The following SLIT2 variants were observed in gnomAD, a reference collection of about 807,000 sequenced individuals.
SLIT2 encodes slit homolog 2 protein.
In SLIT2, 41 loss-of-function variants were observed where a neutral mutation model predicts 185.7. The observed-to-expected ratio is 0.22, with a 90% CI of 0.17 to 0.29. SLIT2 has a LOEUF of 0.29. SLIT2 is among the 10% of genes least tolerant of loss of function. The probability of loss-of-function intolerance (pLI) is 1.00; values close to 1 mark genes in which losing one functional copy is unlikely to be tolerated. For missense variants in SLIT2, 1,571 were observed against 1,909.0 expected (o/e 0.82, Z 3.30); for synonymous variants, 693 against 680.2 (o/e 1.02, Z -0.29).
chr4:20,535,999 C>T (rs1322129858), intron 18 of SLIT2, among the ~76,000 whole-genome samples: 1 of 152,200 alleles, frequency 6.6e-6, no homozygotes, highest in Non-Finnish European at 1.5e-5. Context: ...TCCTGGGCTA[C>T]AAACCTGTGC....
intron 34 of SLIT2, among the ~76,000 whole-genome samples, chr4:20,613,713 C>CA (rs1287832992): frequency 6.6e-5 from 10 of 151,896 alleles, no homozygotes; most frequent in Admixed American, 1.3e-4. Flanking sequence ...AAAAACAAAA[C>CA]AAAAAACAAA....
intron 4 of SLIT2, among the ~76,000 whole-genome samples, chr4:20,288,373 G>A (rs1193034719): frequency 6.6e-6 from 1 of 152,170 alleles, no homozygotes; most frequent in Non-Finnish European, 1.5e-5. Flanking sequence ...CTTACACTTA[G>A]TAAATTCTCA....
At chr4:20,280,944 T>C (rs1714706649) in intron 4 of SLIT2, among the ~76,000 whole-genome samples, 1 of 151,490 alleles carries the variant, frequency 6.6e-6, no homozygotes, top group Admixed American at 6.6e-5. Flanking sequence ...GCGATTCTCC[T>C]ACCTAAACTT....
At chr4:20,418,494 G>T (rs904081821) in intron 4 of SLIT2, among the ~76,000 whole-genome samples, 4 of 152,040 alleles carry the variant, frequency 2.6e-5, no homozygotes, top group African/African-American at 9.7e-5. Flanking sequence ...TACTGAGGGC[G>T]GCCAATAGAT....
intron 9 of SLIT2, 111 bp from the exon 10 acceptor site, chr4:20,510,384 A>G (rs940875871): frequency 1.9e-5 from 14 of 744,300 alleles, no homozygotes; most frequent in Non-Finnish European, 2.8e-5. Flanking sequence ...AAAAAAATAT[A>G]TCACTCATGA....
intron 7 of SLIT2, 123 bp from the exon 8 acceptor site, chr4:20,488,696 G>GA: frequency 1.5e-6 from 1 of 671,682 alleles, no homozygotes; most frequent in Non-Finnish European, 2.3e-6. Context: ...TAATTTTTAG[G>GA]AAAAATAATT....
Position 20,389,725 on chromosome 4 carries a change from G to A in SLIT2, c.396-78027G>A, listed in dbSNP as rs566169028. Among the ~76,000 whole-genome samples the A allele has an allele frequency of 4.9e-4, 74 of 152,068 alleles. 2 individuals are homozygous for A. Among genetic ancestry groups the A allele is most frequent in the Admixed American group, 3.9e-3 (60 of 15,222 alleles). ...ACTCCTATCTGGTACTTTGAATGAG[G>A]AGCAGATGTGAAGAGGAGGTACAGA... On this transcript the variant is annotated intron_variant, in intron 4 of 36. Coordinates refer to ENST00000504154, the MANE Select transcript of SLIT2 (RefSeq NM_004787.4).
chr4:20,532,609 G>A lies in SLIT2; in HGVS notation c.1688+551G>A, dbSNP rs1721907895. ...CTGGGGAGGTGTGACGGGGAGACAG[G>A]ACATAGGTCAATAGCATGGGACCAA... is the stretch of plus-strand genomic sequence containing the variant. On this transcript the variant is annotated intron_variant, in intron 17 of 36. Coordinates refer to ENST00000504154, the MANE Select transcript of SLIT2 (RefSeq NM_004787.4). Among the ~76,000 whole-genome samples, 5 of 152,114 alleles carry A rather than the reference G, an allele frequency of 3.3e-5. 1 individual carries two copies. Among genetic ancestry groups the A allele is most frequent in the Admixed American group, 2.6e-4 (4 of 15,272 alleles).
At chr4:20,263,659 A>T (rs17600601) in intron 3 of SLIT2, among the ~76,000 whole-genome samples, 33,825 of 151,806 alleles carry the variant, frequency 0.22, 4,607 homozygotes, top group Middle Eastern at 0.35. Flanking sequence ...TTTGGTTTTA[A>T]TTCCACTGAG....
chr4:20,429,176 G>A (rs1172648090), intron 4 of SLIT2, among the ~76,000 whole-genome samples: 5 of 151,994 alleles, frequency 3.3e-5, no homozygotes, highest in East Asian at 1.9e-4. Flanking sequence ...CAAAATAGAC[G>A]GAAAGTAATT....
chr4:20,361,350 A>C, intron 4 of SLIT2, among the ~76,000 whole-genome samples: 1 of 152,100 alleles, frequency 6.6e-6, no homozygotes, highest in East Asian at 1.9e-4. Flanking sequence ...CAATGAACTT[A>C]ATTTTTTTAG....
intron 11 of SLIT2, among the ~76,000 whole-genome samples, chr4:20,517,242 C>T (rs1003524158): frequency 6.6e-6 from 1 of 152,160 alleles, no homozygotes; most frequent in African/African-American, 2.4e-5. Context: ...ATATCAGTGC[C>T]TGAGACATGG....
Position 20,417,436 on chromosome 4 carries a change from G to GTGTATATATATATATATATATATA in SLIT2, c.396-50315_396-50314insGTATATATATATATATATATATAT, listed in dbSNP as rs1553898364. Among the ~76,000 whole-genome samples the GTGTATATATATATATATATATATA allele has an allele frequency of 7.9e-3, 976 of 123,480 alleles. 29 individuals are homozygous for GTGTATATATATATATATATATATA. Among genetic ancestry groups the GTGTATATATATATATATATATATA allele is most frequent in the Middle Eastern group, 0.015 (3 of 200 alleles). The allele number at this position is 123,480 out of a possible 152,430, so 81.0% of individuals were successfully genotyped here. A position where few individuals can be genotyped will look rare whatever the true frequency, so the allele number is the denominator to read the frequency against. On this transcript the variant is annotated intron_variant, in intron 4 of 36. Transcript: ENST00000504154. Reference sequence around the variant, plus strand: ...CGCAATCATATATATATGTGTGTGTGTATATATATATATATATATATACGT... The same window carrying GTGTATATATATATATATATATATA: ...CGCAATCATATATATATGTGTGTGTGTGTATATATATATATATATATATATATATATATATATATATATATACGT...
chr4:20,511,122 G>A lies in SLIT2; in HGVS notation c.1043G>A (p.Arg348His), dbSNP rs1168601068. ...GCACCAGATGCTTTCCAAGGACTAC[G>A]CTCTCTGAATTCACTGTAAGTATTC... is the stretch of plus-strand genomic sequence containing the variant. ...ELAPDAFQGL[R>H]SLNSLVLYGN... Residue 348 changes from arginine (R) to histidine (H), a missense_variant, in exon 11 of 37, where the codon CGC becomes CAC. Arg to His is a conservative substitution (Grantham distance 29). This residue lies in a region of SLIT2 where 1,202 missense variants were observed against 1,416.4 expected (regional missense o/e 0.85). Transcript: ENST00000504154. 1.3e-6 allele frequency: 2 copies of A among 1,598,832 alleles called. No individual in the cohort carries two copies. The highest frequency in any genetic ancestry group is 1.7e-6 in the Non-Finnish European group (2 of 1,167,858).
intron 4 of SLIT2, among the ~76,000 whole-genome samples, chr4:20,283,054 G>A (rs1482388921): frequency 6.6e-6 from 1 of 152,042 alleles, no homozygotes; most frequent in Non-Finnish European, 1.5e-5. Context: ...CATTAACTTA[G>A]CACCACTATT....
At chr4:20,491,115 A>T (rs1373101721) in intron 8 of SLIT2, among the ~76,000 whole-genome samples, 2 of 152,226 alleles carry the variant, frequency 1.3e-5, no homozygotes, top group Admixed American at 1.3e-4. Flanking sequence ...AGCTACTTAT[A>T]CCAAAATTTA....
chr4:20,291,480 ATATATATATATATTTTTTTTTTT>A (rs1328188247), intron 4 of SLIT2, among the ~76,000 whole-genome samples: 7 of 14,038 alleles, frequency 5.0e-4, no homozygotes, highest in East Asian at 3.9e-3. Context: ...ATATATATAT[ATATATATATATATTTTTTTTTTT>A]TTTTTTTTTT....
intron 21 of SLIT2, among the ~76,000 whole-genome samples, chr4:20,544,756 A>G (rs1033068160): frequency 6.6e-5 from 10 of 152,152 alleles, no homozygotes; most frequent in Admixed American, 2.0e-4. Context: ...TCAGTTCCAT[A>G]TAACTTCCGC....
chr4:20,584,204 G>T (rs1207370004), intron 29 of SLIT2, among the ~76,000 whole-genome samples: 3 of 152,108 alleles, frequency 2.0e-5, no homozygotes, highest in Non-Finnish European at 4.4e-5. Context: ...AAGAACTGAG[G>T]CTGAGAACAA....
Sources: gnomAD v4.1 joint callset for allele counts (sites outside exome capture counted in the v4.1 genomes callset) on GRCh38, gnomAD v4.1.1 for gene constraint, gnomAD v4.1.1 regional missense constraint, MANE v1.5 for transcripts, NCBI Gene and HGNC (gene_info 2026-07-23, HGNC 2026-07-21) for gene names.